POC1B: variants seen among roughly 807,000 people sequenced by gnomAD.
POC1B encodes POC1 centriolar protein homolog B.
Under a neutral mutation model 60.6 loss-of-function variants are expected in POC1B, and 44 were observed. That is an observed-to-expected ratio of 0.73 (90% CI 0.57 to 0.93). POC1B has a LOEUF of 0.93. POC1B is among the 40% of genes least tolerant of loss of function. POC1B has a pLI of 0.00. For synonymous variants in POC1B, 180 were observed against 198.9 expected, an observed-to-expected ratio of 0.90 and a Z score of 0.80; for missense variants, 555 against 572.3, an observed-to-expected ratio of 0.97 and a Z score of 0.31.
chr12:89,509,067 T>C (rs956041811), intron 2 of POC1B, among the ~76,000 whole-genome samples: 1 of 152,226 alleles, frequency 6.6e-6, no homozygotes, highest in Non-Finnish European at 1.5e-5. Flanking sequence ...CTTTCATAAT[T>C]TTCTAACCCA....
chr12:89,499,673 AAAATAAAAC>A (rs1869447521), intron 2 of POC1B, among the ~76,000 whole-genome samples: 1 of 152,266 alleles, frequency 6.6e-6, no homozygotes, highest in Non-Finnish European at 1.5e-5. Flanking sequence ...AAAGAAATAA[AAAATAAAAC>A]AATTGTGGTG....
the POC1B span, among the ~76,000 whole-genome samples, chr12:89,410,522 T>C: frequency 1.3e-5 from 2 of 151,826 alleles, no homozygotes; most frequent in South Asian, 4.2e-4. Flanking sequence ...CTACTAAAAA[T>C]ACAAAACATT....
At chr12:89,436,055 T>C (rs1371315474) in intron 10 of POC1B, among the ~76,000 whole-genome samples, 2 of 151,712 alleles carry the variant, frequency 1.3e-5, no homozygotes. Context: ...AGCGATTCTC[T>C]TGCCTCAGCC....
intron 2 of POC1B, chr12:89,502,815 C>G (rs1240747415): frequency 2.3e-6 from 3 of 1,322,326 alleles, no homozygotes; most frequent in African/African-American, 1.5e-5. Flanking sequence ...CTTTCGTGTA[C>G]TTTACACGAA....
chr12:89,406,780 C>T, the POC1B span, among the ~76,000 whole-genome samples: 116 of 151,668 alleles, frequency 7.6e-4, 1 homozygote, highest in African/African-American at 2.6e-3. Flanking sequence ...ACTACATGCC[C>T]GATACGTAAT....
chr12:89,487,450 A>G (rs1471748382), intron 4 of POC1B, among the ~76,000 whole-genome samples: 1 of 152,196 alleles, frequency 6.6e-6, no homozygotes, highest in East Asian at 1.9e-4. Flanking sequence ...AATAGCACCC[A>G]GCTGGAAGAG....
At chr12:89,459,550 C>T (rs977350515) in intron 10 of POC1B, 88 bp downstream of exon 10, 37 of 716,936 alleles carry the variant, frequency 5.2e-5, no homozygotes, top group Non-Finnish European at 7.7e-5. Context: ...TTTATCTCCT[C>T]CCCCAACATT....
chr12:89,441,501 CAG>C (rs1881520555), intron 10 of POC1B, among the ~76,000 whole-genome samples: 1 of 152,194 alleles, frequency 6.6e-6, no homozygotes, highest in Non-Finnish European at 1.5e-5. Flanking sequence ...CCCAGGCAAA[CAG>C]GGTCGGGAGT....
At chr12:89,422,328 T>A (rs187992324) in intron 11 of POC1B, among the ~76,000 whole-genome samples, 3 of 152,342 alleles carry the variant, frequency 2.0e-5, no homozygotes, top group Admixed American at 6.5e-5. Flanking sequence ...CATTAAAATT[T>A]TCTTTCGCAT....
At chr12:89,405,054 T>C in the POC1B span, among the ~76,000 whole-genome samples, 4 of 152,178 alleles carry the variant, frequency 2.6e-5, no homozygotes, top group African/African-American at 9.7e-5. Flanking sequence ...ATAACAAACA[T>C]AAAATGTTTA....
At chr12:89,410,405 C>T in the POC1B span, among the ~76,000 whole-genome samples, 14 of 152,266 alleles carry the variant, frequency 9.2e-5, no homozygotes, top group East Asian at 5.8e-4. Context: ...CAAGGTCGGG[C>T]GCGGTGGCTC....
At chr12:89,500,527 C>T in intron 2 of POC1B, 1 of 1,605,868 alleles carries the variant, frequency 6.2e-7, no homozygotes, top group Non-Finnish European at 8.5e-7. Context: ...ATGATCATCA[C>T]AGTGAAGCTG....
At chr12:89,414,011 C>G in the POC1B span, among the ~76,000 whole-genome samples, 1 of 152,318 alleles carries the variant, frequency 6.6e-6, no homozygotes, top group East Asian at 1.9e-4. Context: ...CCTGCCTGAG[C>G]CTCCCAGGTA....
the POC1B span, among the ~76,000 whole-genome samples, chr12:89,413,947 A>G: frequency 9.1e-3 from 1,385 of 152,076 alleles, 31 homozygotes; most frequent in African/African-American, 0.032. Flanking sequence ...GCTGGTGTGC[A>G]GTGGCACCAT....
chr12:89,486,900 C>T (rs1868663800), intron 4 of POC1B, among the ~76,000 whole-genome samples: 1 of 151,918 alleles, frequency 6.6e-6, no homozygotes, highest in South Asian at 2.1e-4. Flanking sequence ...CTCTCTCTCT[C>T]TCTCACACAC....
downstream of POC1B, among the ~76,000 whole-genome samples, chr12:89,418,606 G>A (rs755745995): frequency 7.2e-5 from 11 of 152,134 alleles, no homozygotes; most frequent in Non-Finnish European, 1.5e-4. Context: ...TCATGGGGGT[G>A]GATCCCTCAT....
chr12:89,403,319 C>A, the POC1B span, among the ~76,000 whole-genome samples: 2 of 152,090 alleles, frequency 1.3e-5, no homozygotes, highest in Non-Finnish European at 2.9e-5. Flanking sequence ...GACACACGTA[C>A]ATTTTTAACT....
chr12:89,507,000 G>A (rs1308591540), intron 2 of POC1B, among the ~76,000 whole-genome samples: 2 of 152,062 alleles, frequency 1.3e-5, no homozygotes, highest in African/African-American at 4.8e-5. Flanking sequence ...GAAAATAGGA[G>A]GGAGTTAATA....
chr12:89,464,441 T>C (rs1201758416), intron 9 of POC1B, among the ~76,000 whole-genome samples: 1 of 151,362 alleles, frequency 6.6e-6, no homozygotes, highest in Non-Finnish European at 1.5e-5. Context: ...CTAAAGTTGT[T>C]CCCTGTCTAG....
Sources: gnomAD v4.1 joint callset for allele counts (sites outside exome capture counted in the v4.1 genomes callset) on GRCh38, gnomAD v4.1.1 for gene constraint, MANE v1.5 for transcripts, NCBI Gene and HGNC (gene_info 2026-07-23, HGNC 2026-07-21) for gene names.